The following PTPRK variants were observed in gnomAD, a reference collection of about 807,000 sequenced individuals.
PTPRK encodes receptor-type tyrosine-protein phosphatase kappa.
PTPRK carries 75 observed loss-of-function variants against 178.0 expected under a neutral mutation model. The observed-to-expected ratio is 0.42, with a 90% CI of 0.35 to 0.51. PTPRK has a LOEUF of 0.51. Among genes scored for constraint, PTPRK ranks in the 20% least tolerant of loss-of-function variants. The probability of loss-of-function intolerance (pLI) is 0.02; values close to 1 mark genes in which losing one functional copy is unlikely to be tolerated. For synonymous variants in PTPRK, 637 were observed against 620.6 expected (o/e 1.03, Z -0.39); for missense variants, 1,441 against 1,797.8 (o/e 0.80, Z 3.59).
Position 127,983,189 on chromosome 6 carries a change from T to G in PTPRK, c.3387+53A>C, listed in dbSNP as rs1775557370. ...TATATGAGAGACATCTACTCTTTGT[T>G]TGCAAAAAAAATAAAAAATAAAAAA... is the stretch of plus-strand genomic sequence containing the variant. On this transcript the variant is annotated intron_variant, in intron 23 of 29. Transcript: ENST00000368226. The G allele has an allele frequency of 2.0e-6, 3 of 1,464,572 alleles. No individual in the cohort carries two copies. The South Asian group carries it at 4.1e-5, about 20-fold the overall frequency. 90.7% of individuals were successfully genotyped at this position (1,464,572 alleles called of 1,614,324 possible). A position where few individuals can be genotyped will look rare whatever the true frequency, so the allele number is the denominator to read the frequency against.
chr6:128,475,486 A>C (rs1343463285), intron 1 of PTPRK, among the ~76,000 whole-genome samples: 5 of 152,000 alleles, frequency 3.3e-5, no homozygotes, highest in Non-Finnish European at 7.4e-5. Flanking sequence ...TAGGAATGAT[A>C]CTCTGAAGGT....
chr6:128,333,298 A>G (rs928954028), intron 2 of PTPRK, among the ~76,000 whole-genome samples: 3 of 152,232 alleles, frequency 2.0e-5, no homozygotes, highest in Non-Finnish European at 2.9e-5. Flanking sequence ...CTGAAGGTCT[A>G]AAGAGAATGA....
At chr6:128,017,306 G>A (rs1238772211) in intron 13 of PTPRK, among the ~76,000 whole-genome samples, 1 of 151,870 alleles carries the variant, frequency 6.6e-6, no homozygotes, top group Non-Finnish European at 1.5e-5. Context: ...AAGGCTATTT[G>A]TATTTGACAA....
At chr6:128,033,711 A>T (rs1050528342) in intron 13 of PTPRK, among the ~76,000 whole-genome samples, 2 of 152,078 alleles carry the variant, frequency 1.3e-5, no homozygotes, top group African/African-American at 2.4e-5. Context: ...GTTTCTACAA[A>T]AAATAAAATT....
intron 3 of PTPRK, among the ~76,000 whole-genome samples, chr6:128,311,121 G>A (rs1827179759): frequency 6.6e-6 from 1 of 152,076 alleles, no homozygotes; most frequent in African/African-American, 2.4e-5. Context: ...CCAAAAACCT[G>A]ATTACCTTTC....
chr6:128,327,081 G>A (rs1364302174), intron 2 of PTPRK, among the ~76,000 whole-genome samples: 3 of 151,444 alleles, frequency 2.0e-5, no homozygotes, highest in East Asian at 1.9e-4. Context: ...TAAAACAAAT[G>A]ACAGTTTTTA....
intron 15 of PTPRK, among the ~76,000 whole-genome samples, chr6:128,002,718 T>C (rs1230153440): frequency 1.3e-5 from 2 of 151,928 alleles, no homozygotes; most frequent in Admixed American, 1.3e-4. Context: ...TTTACCTACA[T>C]TAAAACATTC....
intron 7 of PTPRK, among the ~76,000 whole-genome samples, chr6:128,126,347 A>T (rs537636881): frequency 6.6e-6 from 1 of 152,142 alleles, no homozygotes; most frequent in Non-Finnish European, 1.5e-5. Context: ...ATTGAATAGT[A>T]TTCCACTGTG....
intron 13 of PTPRK, among the ~76,000 whole-genome samples, chr6:128,039,010 T>C (rs924961275): frequency 6.6e-6 from 1 of 152,208 alleles, no homozygotes; most frequent in Non-Finnish European, 1.5e-5. Context: ...TCTAACATAT[T>C]GTTTGGAATG....
chr6:128,259,801 A>C (rs1432790870), intron 3 of PTPRK, among the ~76,000 whole-genome samples: 1 of 152,222 alleles, frequency 6.6e-6, no homozygotes, highest in Non-Finnish European at 1.5e-5. Flanking sequence ...ATATAACTTA[A>C]AACATTCTTT....
At chr6:127,987,337 T>G (rs187280336) in intron 21 of PTPRK, among the ~76,000 whole-genome samples, 201 of 152,164 alleles carry the variant, frequency 1.3e-3, no homozygotes, top group African/African-American at 4.6e-3. Flanking sequence ...GATATTAATA[T>G]CAAGTACTCC....
intron 7 of PTPRK, among the ~76,000 whole-genome samples, chr6:128,106,564 T>C (rs1789753754): frequency 6.6e-6 from 1 of 151,464 alleles, no homozygotes; most frequent in African/African-American, 2.4e-5. Context: ...GTGTGACATA[T>C]AGAAAACTAC....
At chr6:128,444,752 GGAA>G (rs1846719215) in intron 1 of PTPRK, among the ~76,000 whole-genome samples, 1 of 152,100 alleles carries the variant, frequency 6.6e-6, no homozygotes, top group Admixed American at 6.6e-5. Flanking sequence ...TGAAGAAAAG[GGAA>G]GTAGCTTCCT....
chr6:127,991,524 C>G (rs1776604760), intron 19 of PTPRK, 133 bp from the exon 20 acceptor site: 2 of 498,452 alleles, frequency 4.0e-6, no homozygotes, highest in South Asian at 6.4e-5. Flanking sequence ...ACTGAAAATA[C>G]TTAAATTCAG....
At position 127,970,035 on chromosome 6, in the gene PTPRK, T is replaced by A; in HGVS notation, c.*192A>T. The stretch of plus-strand genomic sequence containing the variant: ...ATGAAATGTTGATGCTTTAATATAG[T>A]AATAAAAACTAATTCAGTCCTTTTT... On this transcript the variant is annotated 3_prime_UTR_variant, in exon 30 of 30. Transcript: ENST00000368226. The A allele has an allele frequency of 2.1e-6, 1 of 484,732 alleles. No homozygotes were observed. The highest frequency in any genetic ancestry group is 3.6e-6 in the Non-Finnish European group (1 of 275,454). 30.0% of individuals were successfully genotyped at this position (484,732 alleles called of 1,614,324 possible). A position where few individuals can be genotyped will look rare whatever the true frequency, so the allele number is the denominator to read the frequency against.
intron 7 of PTPRK, among the ~76,000 whole-genome samples, chr6:128,100,640 TAA>T (rs1788627883): frequency 6.6e-6 from 1 of 152,024 alleles, no homozygotes; most frequent in South Asian, 2.1e-4. Context: ...TTCAATATTC[TAA>T]TTGATTATAT....
chr6:128,499,645 G>A (rs577135197), intron 1 of PTPRK, among the ~76,000 whole-genome samples: 1 of 152,312 alleles, frequency 6.6e-6, no homozygotes, highest in South Asian at 2.1e-4. Context: ...AACATTGTAT[G>A]AGAGAAGTAT....
At chr6:128,274,046 C>G (rs1198315208) in intron 3 of PTPRK, among the ~76,000 whole-genome samples, 1 of 151,794 alleles carries the variant, frequency 6.6e-6, no homozygotes, top group Non-Finnish European at 1.5e-5. Flanking sequence ...GACTAACAGC[C>G]CTAAAGGATC....
chr6:128,490,049 G>C (rs1355443026), intron 1 of PTPRK, among the ~76,000 whole-genome samples: 1 of 152,144 alleles, frequency 6.6e-6, no homozygotes, highest in Non-Finnish European at 1.5e-5. Flanking sequence ...TAATTAAAAA[G>C]TACTCAATTC....
Sources: allele counts gnomAD v4.1 joint callset (sites outside exome capture counted in the v4.1 genomes callset), GRCh38; gene constraint gnomAD v4.1.1; transcripts MANE v1.5; gene names NCBI Gene and HGNC (gene_info 2026-07-23, HGNC 2026-07-21).